TDRKH: variants seen among roughly 807,000 people sequenced by gnomAD.
TDRKH encodes tudor and KH domain containing.
A neutral mutation model predicts 61.3 loss-of-function variants in TDRKH; 28 were observed. That is an observed-to-expected ratio of 0.46 (90% CI 0.34 to 0.63). The LOEUF is 0.63. Among genes scored for constraint, TDRKH ranks in the 20% least tolerant of loss-of-function variants. The pLI is 0.01. For synonymous variants in TDRKH, 219 were observed against 244.4 expected (o/e 0.90, Z 0.97); for missense variants, 540 against 683.4 (o/e 0.79, Z 2.34).
Position 151,775,559 on chromosome 1 carries a change from AG to A in TDRKH, c.1283-17del. On this transcript the variant is annotated splice_polypyrimidine_tract_variant and intron_variant, in intron 9 of 12. Transcript: ENST00000368824. The stretch of plus-strand genomic sequence containing the variant: ...CACTGGTCACCTGGCAAAAGATTGT[AG>A]GGGTTACTGCTGATAGGGGTGGGGC... The A allele has an allele frequency of 6.2e-7, 1 of 1,610,692 alleles. No homozygotes were observed.
At chr1:151,776,375 A>T (rs1280550122) in intron 7 of TDRKH, 64 bp downstream of exon 7, 7 of 1,601,664 alleles carry the variant, frequency 4.4e-6, no homozygotes, top group Non-Finnish European at 6.0e-6. Context: ...GGAAAGGAAG[A>T]GTACAATGAA....
At chr1:151,776,331 G>A (rs1341444988) in intron 7 of TDRKH, 63 bp from the exon 8 acceptor site, 2 of 1,595,244 alleles carry the variant, frequency 1.3e-6, no homozygotes, top group East Asian at 2.2e-5. Context: ...AAACAGAATT[G>A]CAGGAGGAAG....
At chr1:151,768,388 GT>G (rs1377717645), downstream of TDRKH, 6 of 1,144,822 alleles carry the variant, frequency 5.2e-6, no homozygotes, top group Non-Finnish European at 7.3e-6. Context: ...AGGATCTGGG[GT>G]TCAAGGGATA....
intron 12 of TDRKH, 46 bp from the exon 13 acceptor site, chr1:151,774,550 C>G (rs754219119): frequency 6.2e-7 from 1 of 1,610,218 alleles, no homozygotes; most frequent in South Asian, 1.1e-5. Flanking sequence ...CTGCCCTATT[C>G]TAGCAGGCAA....
At chr1:151,769,129 C>G (rs9724841), downstream of TDRKH, among the ~76,000 whole-genome samples, 1 of 151,600 alleles carries the variant, frequency 6.6e-6, no homozygotes, top group Non-Finnish European at 1.5e-5. Context: ...CTTTTCTATT[C>G]GACAAAACCG....
rs775742363 is a variant in TDRKH at position 151,775,818 on chromosome 1, A to G, written c.1282+2T>C. 6.2e-6 allele frequency: 10 copies of G among 1,613,106 alleles called. No homozygotes were observed. In the East Asian group the frequency reaches 2.0e-4, roughly 32 times the overall value. ...GCTCAATAGATGGCATGACCAATTT[A>G]CCTGAGGGAGCAATCCGTGCCAGAC... On this transcript the variant is annotated splice_donor_variant, in intron 9 of 12. Coordinates refer to ENST00000368824, the MANE Select transcript of TDRKH (RefSeq NM_001083965.2). LOFTEE classifies it high-confidence loss of function.
downstream of TDRKH, among the ~76,000 whole-genome samples, chr1:151,768,977 G>A (rs12239314): frequency 0.32 from 48,825 of 151,858 alleles, 8,168 homozygotes; most frequent in Middle Eastern, 0.45. Context: ...GCATGGGGTT[G>A]GGGGTAAGGT....
At chr1:151,773,036 G>GT (rs1262418930), downstream of TDRKH, among the ~76,000 whole-genome samples, 1 of 151,212 alleles carries the variant, frequency 6.6e-6, no homozygotes, top group African/African-American at 2.4e-5. Context: ...GCTAATTTTT[G>GT]TATTTTGTAT....
intron 8 of TDRKH, 71 bp from the exon 9 acceptor site, chr1:151,775,955 G>C: frequency 6.3e-7 from 1 of 1,585,650 alleles, no homozygotes; most frequent in Non-Finnish European, 8.6e-7. Flanking sequence ...CTTTCAGAAA[G>C]AACCAACTAA....
intron 2 of TDRKH, 139 bp downstream of exon 2, chr1:151,782,760 A>G: frequency 3.5e-6 from 4 of 1,148,832 alleles, no homozygotes; most frequent in Non-Finnish European, 3.5e-6. Context: ...ACAGAGTGAG[A>G]CCCTGTCTCA....
chr1:151,782,938 C>G lies in TDRKH; in HGVS notation c.85G>C (p.Val29Leu), dbSNP rs1273076116. ...TACCTGCGGTATAGGATATAGGCAA[C>G]TGTTGCACTGGCTGGGATCCCAAGG... The part of the protein sequence containing the change: ...LGLGIPASAT[V>L]AYILYRRYRE... Residue 29 changes from valine (V) to leucine (L), a missense_variant, in exon 2 of 13, where the codon GTT (valine) becomes CTT (leucine). Around this residue, in one of 3 missense-constraint regions of TDRKH, gnomAD observed 156 missense variants for 218.0 expected, o/e 0.72. Coordinates refer to ENST00000368824, the MANE Select transcript of TDRKH (RefSeq NM_001083965.2). 4.3e-6 allele frequency: 7 copies of G among 1,613,602 alleles called. No homozygotes were observed. In the South Asian group the frequency reaches 7.7e-5, roughly 18 times the overall value.
At chr1:151,775,275 G>A (rs1649050933) in intron 10 of TDRKH, 109 bp from the exon 11 acceptor site, 3 of 1,551,322 alleles carry the variant, frequency 1.9e-6, no homozygotes, top group Non-Finnish European at 2.6e-6. Context: ...TGGTGAGATG[G>A]TGAGAAGGAT....
chr1:151,778,682 T>C lies in TDRKH; in HGVS notation c.883+3A>G. On this transcript the variant is annotated splice_donor_region_variant and intron_variant, in intron 6 of 12. Coordinates refer to ENST00000368824, the MANE Select transcript of TDRKH (RefSeq NM_001083965.2). The stretch of plus-strand genomic sequence containing the variant: ...ATTAATGGGCTCCCTCTTTGTTACA[T>C]ACTTTCAAACATGGGCATCTCTGGG... 6.2e-7 allele frequency: 1 copy of C among 1,611,548 alleles called. No homozygotes were observed. The highest frequency in any genetic ancestry group is 8.5e-7 in the Non-Finnish European group (1 of 1,178,908).
At chr1:151,767,338 C>G (rs143456319), downstream of TDRKH, 47 of 1,600,486 alleles carry the variant, frequency 2.9e-5, no homozygotes, top group African/African-American at 4.8e-4. Flanking sequence ...CAGGGCAACC[C>G]TTTTCTTGCA....
rs570311449 is a variant in TDRKH, at chr1:151,779,765, A to C, written c.421+186T>G. ...CAATTTGTAAGGTTCAGATCATACA[A>C]CTTCTTGAGGAAACAGGTTTGGTTT... On this transcript the variant is annotated intron_variant, in intron 4 of 12. Transcript: ENST00000368824. 3 of 560,592 alleles carry C rather than the reference A, an allele frequency of 5.4e-6. No homozygotes were observed. In the African/African-American group the frequency reaches 5.6e-5, roughly 10 times the overall value. 34.7% of individuals were successfully genotyped at this position (560,592 alleles called of 1,614,324 possible).
In TDRKH at chr1:151,779,329, G is replaced by A. The variant is rs1045920248; in HGVS notation, c.422-87C>T. ...AATCACTGTTTTGTATATACTAGGA[G>A]AAGAGAATCAGTTCTCATTTCTAAA... On this transcript the variant is annotated intron_variant, in intron 4 of 12. Coordinates refer to ENST00000368824, the MANE Select transcript of TDRKH (RefSeq NM_001083965.2). The A allele has an allele frequency of 7.4e-6, 11 of 1,492,300 alleles. No homozygotes were observed. In the East Asian group the frequency reaches 9.4e-5, roughly 13 times the overall value. The allele number at this position is 1,492,300 out of a possible 1,614,324, so 92.4% of individuals were successfully genotyped here. A position where few individuals can be genotyped will look rare whatever the true frequency, so the allele number is the denominator to read the frequency against.
chr1:151,767,338 CT>C, downstream of TDRKH: 2 of 1,600,484 alleles, frequency 1.2e-6, no homozygotes, highest in Non-Finnish European at 1.7e-6. Context: ...CAGGGCAACC[CT>C]TTTCTTGCAT....
chr1:151,787,878 A>T (rs1650491913), intron 1 of TDRKH, among the ~76,000 whole-genome samples: 1 of 150,502 alleles, frequency 6.6e-6, no homozygotes, highest in Non-Finnish European at 1.5e-5. Flanking sequence ...AGTTCCAGCT[A>T]CTCAGGAGGC....
chr1:151,768,597 G>C (rs1648457793), downstream of TDRKH, among the ~76,000 whole-genome samples: 1 of 152,160 alleles, frequency 6.6e-6, no homozygotes, highest in Non-Finnish European at 1.5e-5. Flanking sequence ...GGTGGGTGGA[G>C]GGCAGAAAAC....
Sources: gnomAD v4.1 joint callset for allele counts (sites outside exome capture counted in the v4.1 genomes callset) on GRCh38, gnomAD v4.1.1 for gene constraint, gnomAD v4.1.1 regional missense constraint, MANE v1.5 for transcripts, NCBI Gene and HGNC (gene_info 2026-07-23, HGNC 2026-07-21) for gene names.